URB1: variants seen among roughly 807,000 people sequenced by gnomAD.
URB1 encodes URB1 ribosome biogenesis factor.
Under a neutral mutation model 242.3 loss-of-function variants are expected in URB1, and 197 were observed. The observed-to-expected ratio is 0.81, with a 90% CI of 0.72 to 0.91. The LOEUF (loss-of-function observed/expected upper bound fraction) is 0.91. URB1 is among the 40% of genes least tolerant of loss of function. The probability of loss-of-function intolerance (pLI) is 0.00; values close to 1 mark genes in which losing one functional copy is unlikely to be tolerated. For missense variants in URB1, 2,721 were observed against 2,860.5 expected (o/e 0.95, Z 1.11); for synonymous variants, 1,153 against 1,201.8 (o/e 0.96, Z 0.84).
intron 12 of URB1, 84 bp from the exon 13 acceptor site, chr21:32,361,207 A>AAAGAAAGAAAGAAAGAAAC: frequency 7.7e-6 from 2 of 260,480 alleles, no homozygotes; most frequent in Non-Finnish European, 1.2e-5. Flanking sequence ...AAGAAAGAAA[A>AAAGAAAGAAAGAAAGAAAC]TAGCTTGAAT....
At position 32,315,004 on chromosome 21, in the gene URB1, C is replaced by G. The variant is rs1379562144; in HGVS notation, c.6730G>C (p.Glu2244Gln). The change falls in exon 39 of 39, where the codon GAG becomes CAG. Residue 2244 changes from glutamate to glutamine, a missense_variant. By Grantham distance (29) the Glu-to-Gln change is conservative. Transcript: ENST00000382751. ...CTGCTCGGGGCATCATCTGCGGCCT[C>G]ACACACCATCCGGACGTGGGTTAAG... ...TLLTHVRMVC[E>Q]AADDAPSSEE... 1 of 1,551,696 alleles carries G rather than the reference C, an allele frequency of 6.4e-7. No individual in the cohort carries two copies. The highest frequency in any genetic ancestry group is 1.2e-5 in the South Asian group (1 of 84,070).
intron 15 of URB1, among the ~76,000 whole-genome samples, chr21:32,356,480 T>G (rs1378020068): frequency 6.6e-6 from 1 of 152,180 alleles, no homozygotes; most frequent in Non-Finnish European, 1.5e-5. Context: ...GGAAAAAATT[T>G]GGCTGCTACT....
chr21:32,393,007 G>C lies in URB1; in HGVS notation c.-97C>G, dbSNP rs974219617. 26 of 1,378,976 alleles carry C rather than the reference G, an allele frequency of 1.9e-5. No homozygotes were observed. The highest frequency in any genetic ancestry group is 2.0e-4 in the Middle Eastern group (1 of 5,028). 85.4% of individuals were successfully genotyped at this position (1,378,976 alleles called of 1,614,324 possible). A position where few individuals can be genotyped will look rare whatever the true frequency, so the allele number is the denominator to read the frequency against. The stretch of plus-strand genomic sequence containing the variant: ...CAGACACGCGCTTCAGGCCCACATG[G>C]CGCAGGAAGAGGCGGGGCTGGCGGA... On this transcript the variant is annotated 5_prime_UTR_variant, in exon 1 of 39. Coordinates refer to ENST00000382751, the MANE Select transcript of URB1 (RefSeq NM_014825.3).
At chr21:32,387,465 C>A (rs1381289730) in intron 1 of URB1, among the ~76,000 whole-genome samples, 1 of 152,146 alleles carries the variant, frequency 6.6e-6, no homozygotes, top group Non-Finnish European at 1.5e-5. Flanking sequence ...TGGTTCCACT[C>A]TTTGGGCCAT....
chr21:32,367,982 T>C lies in URB1; in HGVS notation c.1197+421A>G, dbSNP rs148345495. On this transcript the variant is annotated intron_variant, in intron 9 of 38. Transcript: ENST00000382751. Reference sequence around the variant, plus strand: ...TTTACATGGTCTAAAATATCCCTTTTTATCCCTGAAAGGTCTTCATATTGT... The same window carrying C: ...TTTACATGGTCTAAAATATCCCTTTCTATCCCTGAAAGGTCTTCATATTGT... Among the ~76,000 whole-genome samples, 122 of 152,340 alleles carry C rather than the reference T, an allele frequency of 8.0e-4. No homozygotes were observed. In the Middle Eastern group the frequency reaches 0.01, roughly 13 times the overall value.
intron 24 of URB1, among the ~76,000 whole-genome samples, chr21:32,344,050 C>T (rs1466892124): frequency 6.6e-6 from 1 of 152,040 alleles, no homozygotes; most frequent in Admixed American, 6.5e-5. Flanking sequence ...AATTTTATAC[C>T]CAGTGAAACT....
intron 19 of URB1, among the ~76,000 whole-genome samples, chr21:32,352,105 T>TA (rs2033165003): frequency 6.6e-6 from 1 of 152,200 alleles, no homozygotes; most frequent in South Asian, 2.1e-4. Flanking sequence ...AAGGAGGGTC[T>TA]AAACTGACTG....
At position 32,314,659 on chromosome 21, in the gene URB1, C is replaced by A; in HGVS notation, c.*259G>T. ...GAGAGGAAGGGGCGGCCTGACGAGG[C>A]ACTGGATGGGCCTCATGGCCTAGAA... is the stretch of plus-strand genomic sequence containing the variant. On this transcript the variant is annotated 3_prime_UTR_variant, in exon 39 of 39. Transcript: ENST00000382751. The A allele has an allele frequency of 6.2e-7, 1 of 1,613,304 alleles. No homozygotes were observed. The highest frequency in any genetic ancestry group is 8.5e-7 in the Non-Finnish European group (1 of 1,179,220).
At chr21:32,325,902 A>C (rs1287204191) in intron 30 of URB1, among the ~76,000 whole-genome samples, 1 of 152,192 alleles carries the variant, frequency 6.6e-6, no homozygotes, top group Non-Finnish European at 1.5e-5. Context: ...CCACTCTGCA[A>C]CCCTAGCTCT....
At chr21:32,363,008 C>T in intron 11 of URB1, 148 bp downstream of exon 11, 1 of 995,870 alleles carries the variant, frequency 1.0e-6, no homozygotes, top group Non-Finnish European at 1.4e-6. Flanking sequence ...AGCTGACCCT[C>T]AGCACCCACG....
In URB1 at chr21:32,315,125, T is replaced by TTAGGATG. The variant is rs1434396782; in HGVS notation, c.6635-33_6635-27dup. On this transcript the variant is annotated intron_variant, in intron 38 of 38. Coordinates refer to ENST00000382751, the MANE Select transcript of URB1 (RefSeq NM_014825.3). Reference sequence around the variant, plus strand: ...CTGAACAAGAGCAGGGGATAGGCCATTAGGATGCACACCTGCTCAGCTCGA... The same window carrying TTAGGATG: ...CTGAACAAGAGCAGGGGATAGGCCATTAGGATGTAGGATGCACACCTGCTCAGCTCGA... 2.7e-6 allele frequency: 4 copies of TTAGGATG among 1,488,742 alleles called. No homozygotes were observed. The African/African-American group carries it at 5.6e-5, about 21-fold the overall frequency. 92.2% of individuals were successfully genotyped at this position (1,488,742 alleles called of 1,614,324 possible).
Position 32,314,962 on chromosome 21 carries a change from C to G in URB1, c.6772G>C (p.Val2258Leu), listed in dbSNP as rs1471476634. Residue 2258 changes from valine (V) to leucine (L), a missense_variant, in exon 39 of 39, where the codon GTG becomes CTG. Transcript: ENST00000382751. Reference protein sequence around the residue: ...DAPSSEEEAIVVLCKDAASAA... With the variant: ...DAPSSEEEAILVLCKDAASAA... ...CTGGCGGCGTCCTTGCAGAGCACCA[C>G]GATGGCCTCCTCTTCACTGCTCGGG... 2.6e-6 allele frequency: 4 copies of G among 1,551,618 alleles called. No homozygotes were observed. In the East Asian group the frequency reaches 9.8e-5, roughly 38 times the overall value.
intron 1 of URB1, among the ~76,000 whole-genome samples, chr21:32,387,510 G>A (rs1240694210): frequency 6.6e-6 from 1 of 152,036 alleles, no homozygotes; most frequent in Admixed American, 6.5e-5. Flanking sequence ...GCATGGCAGT[G>A]GGTTGGAAGC....
intron 8 of URB1, 113 bp downstream of exon 8, chr21:32,372,394 A>G (rs2033415788): frequency 2.2e-6 from 3 of 1,356,958 alleles, no homozygotes; most frequent in Non-Finnish European, 2.9e-6. Flanking sequence ...AACGAGTTAG[A>G]TAATGTCCAC....
intron 35 of URB1, 70 bp downstream of exon 35, chr21:32,320,461 C>T: frequency 8.7e-7 from 1 of 1,147,820 alleles, no homozygotes; most frequent in Non-Finnish European, 1.3e-6. Context: ...ACAGAGCTGG[C>T]AGCAGACGTC....
chr21:32,382,198 G>A (rs190201987), intron 4 of URB1, among the ~76,000 whole-genome samples: 2 of 152,236 alleles, frequency 1.3e-5, no homozygotes, highest in African/African-American at 4.8e-5. Flanking sequence ...TGGGTGGGGA[G>A]GGCATCTGAT....
rs2032650853 is a variant in URB1, at chr21:32,314,638, G to A, written c.*280C>T. On this transcript the variant is annotated 3_prime_UTR_variant, in exon 39 of 39. Coordinates refer to ENST00000382751, the MANE Select transcript of URB1 (RefSeq NM_014825.3). ...GTGATGAGCTCCAAGCCCCTAGAGA[G>A]GAAGGGGCGGCCTGACGAGGCACTG... 4 of 1,614,048 alleles carry A rather than the reference G, an allele frequency of 2.5e-6. No homozygotes were observed. Among genetic ancestry groups the A allele is most frequent in the Non-Finnish European group, 2.5e-6 (3 of 1,179,996 alleles).
chr21:32,383,400 C>A (rs1408319083), intron 4 of URB1, 22 bp downstream of exon 4: 17 of 1,544,844 alleles, frequency 1.1e-5, no homozygotes, highest in Non-Finnish European at 1.4e-5. Context: ...ATGGAAGGCA[C>A]GAGACACTGT....
At chr21:32,390,704 A>C (rs1234261865) in intron 1 of URB1, among the ~76,000 whole-genome samples, 3 of 152,222 alleles carry the variant, frequency 2.0e-5, no homozygotes, top group Non-Finnish European at 2.9e-5. Context: ...GATCATTAAA[A>C]AGTCAGGAAA....
Sources: allele counts gnomAD v4.1 joint callset (sites outside exome capture counted in the v4.1 genomes callset), GRCh38; gene constraint gnomAD v4.1.1; transcripts MANE v1.5; gene names NCBI Gene and HGNC (gene_info 2026-07-23, HGNC 2026-07-21).